RET: variants seen among roughly 807,000 people sequenced by gnomAD.
RET encodes the protein ret proto-oncogene.
RET carries 19 observed loss-of-function variants against 118.3 expected under a neutral mutation model. The observed-to-expected ratio is 0.16, with a 90% CI of 0.11 to 0.24. The LOEUF is 0.24. Among genes scored for constraint, RET ranks in the 10% least tolerant of loss-of-function variants. The probability of loss-of-function intolerance (pLI) is 1.00; values close to 1 mark genes in which losing one functional copy is unlikely to be tolerated. For synonymous variants in RET, 597 were observed against 644.1 expected (o/e 0.93, Z 1.11); for missense variants, 1,219 against 1,502.1 (o/e 0.81, Z 3.12).
At chr10:43,109,254 C>T in intron 6 of RET, 24 bp downstream of exon 6, 3 of 1,608,268 alleles carry the variant, frequency 1.9e-6, no homozygotes, top group Non-Finnish European at 2.5e-6. Context: ...TATTGCCTGT[C>T]TGGGGAAGAT....
chr10:43,095,191 AG>A (rs1242454705), intron 1 of RET, among the ~76,000 whole-genome samples: 1 of 152,052 alleles, frequency 6.6e-6, no homozygotes, highest in Non-Finnish European at 1.5e-5. Flanking sequence ...ACGGGAGCTG[AG>A]GCTGGGGGCT....
In RET at chr10:43,106,558, C is replaced by T. The variant is rs142188675; in HGVS notation, c.1050C>T (p.Thr350=). ...VQANGSFVRA[T]VHDYRLVLNR... is the part of the protein sequence containing the mutation. ...CCAACGGCAGCTTCGTGCGGGCGACCGTACATGACTATAGTAAGAGGGGCT... is the reference window on the plus strand; with the variant it reads ...CCAACGGCAGCTTCGTGCGGGCGACTGTACATGACTATAGTAAGAGGGGCT... Residue 350 remains threonine, a synonymous_variant, in exon 5 of 20, where the codon ACC becomes ACT. Transcript: ENST00000355710. The surrounding 1 kb of genome is among the most constrained non-coding windows in gnomAD (Gnocchi z 5.1). The T allele has an allele frequency of 6.4e-5, 104 of 1,613,446 alleles. 1 individual carries two copies. The African/African-American group carries it at 8.9e-4, about 14-fold the overall frequency.
chr10:43,113,031 C>T (rs1322774914), intron 9 of RET, 68 bp downstream of exon 9: 1 of 1,322,656 alleles, frequency 7.6e-7, no homozygotes, highest in African/African-American at 1.4e-5. Flanking sequence ...ATCCCACAGG[C>T]ACTTCAGCCA....
intron 18 of RET, among the ~76,000 whole-genome samples, chr10:43,126,018 G>T (rs2133026793): frequency 6.6e-6 from 1 of 152,320 alleles, no homozygotes; most frequent in South Asian, 2.1e-4. Flanking sequence ...GTGCTGGGGA[G>T]CCCGTGCCTG....
chr10:43,116,403 T>C (rs917905422), intron 11 of RET, among the ~76,000 whole-genome samples, 181 bp from the exon 12 acceptor site: 1 of 152,304 alleles, frequency 6.6e-6, no homozygotes. Flanking sequence ...TTCAGGGGCC[T>C]GGCTGTGGGG....
rs2132707488 is a variant in RET, at chr10:43,105,119, G to A, written c.793G>A (p.Glu265Lys). 6.2e-7 allele frequency: 1 copy of A among 1,612,486 alleles called. No homozygotes were observed. The highest frequency in any genetic ancestry group is 8.5e-7 in the Non-Finnish European group (1 of 1,179,836). ...MVPFPVTVYD[E>K]DDSAPTFPAG... Reference sequence around the variant, plus strand: ...GCCCTTCCCGGTGACCGTGTACGACGAGGACGACTCGGCGCCCACCTTCCC... The same window carrying A: ...GCCCTTCCCGGTGACCGTGTACGACAAGGACGACTCGGCGCCCACCTTCCC... The change falls in exon 4 of 20, where the codon GAG becomes AAG. Residue 265 changes from glutamate (E) to lysine (K), a missense_variant. This residue lies in a region of RET where 850 missense variants were observed against 969.6 expected (regional missense o/e 0.88). Coordinates refer to ENST00000355710, the MANE Select transcript of RET (RefSeq NM_020975.6).
chr10:43,129,008 ATTTGTCCC>A lies in RET; in HGVS notation c.*740_*747del. 4.2e-6 allele frequency: 1 copy of A among 236,100 alleles called. No individual in the cohort carries two copies. 14.6% of individuals were successfully genotyped at this position (236,100 alleles called of 1,614,324 possible). A position where few individuals can be genotyped will look rare whatever the true frequency, so the allele number is the denominator to read the frequency against. On this transcript the variant is annotated 3_prime_UTR_variant, in exon 20 of 20. Transcript: ENST00000355710. The stretch of plus-strand genomic sequence containing the variant: ...TCAGGGAAGAGGGCTCACAAGACAC[ATTTGTCCC>A]CCGGGCCCACCACATCATCCTCACG...
chr10:43,087,196 G>T (rs543445834), intron 1 of RET, among the ~76,000 whole-genome samples: 8 of 152,302 alleles, frequency 5.3e-5, no homozygotes, highest in East Asian at 1.9e-4. Flanking sequence ...AGGGATCGTG[G>T]TGCCTCCCAG....
intron 1 of RET, among the ~76,000 whole-genome samples, chr10:43,093,034 T>C (rs889236538): frequency 2.1e-4 from 32 of 152,236 alleles, no homozygotes; most frequent in Non-Finnish European, 3.5e-4. Flanking sequence ...GTTGATTCAT[T>C]GATTCATTCA....
At chr10:43,083,722 GC>G (rs1837235358) in intron 1 of RET, among the ~76,000 whole-genome samples, 1 of 152,230 alleles carries the variant, frequency 6.6e-6, no homozygotes, top group African/African-American at 2.4e-5. Flanking sequence ...CTCCTGGCGG[GC>G]CCAGCAGCTG....
Position 43,111,472 on chromosome 10 carries a change from G to T in RET, c.1522+7G>T, listed in dbSNP as rs1257123535. 6.2e-7 allele frequency: 1 copy of T among 1,607,152 alleles called. No homozygotes were observed. Among genetic ancestry groups the T allele is most frequent in the Non-Finnish European group, 8.5e-7 (1 of 1,175,384 alleles). ...GTAACAGTGGAGGGGTCATGTGAGT[G>T]CCTGCTCCAGGGAGGGAGGGTCGGG... On this transcript the variant is annotated splice_region_variant and intron_variant, in intron 7 of 19. Transcript: ENST00000355710.
chr10:43,111,238 C>T lies in RET; in HGVS notation c.1295C>T (p.Ala432Val), dbSNP rs552057730. 13 of 1,614,094 alleles carry T rather than the reference C, an allele frequency of 8.1e-6. No homozygotes were observed. The highest frequency in any genetic ancestry group is 6.7e-5 in the African/African-American group (5 of 75,040). ...AAAGTCTGTGTGGAAAACTGCCAGG[C>T]ATTCAGTGGCATCAACGTCCAGTAC... ...IGKVCVENCQ[A>V]FSGINVQYKL... The change falls in exon 7 of 20, where the codon GCA becomes GTA. Residue 432 changes from alanine to valine, a missense_variant. This residue lies in a region of RET where 850 missense variants were observed against 969.6 expected (regional missense o/e 0.88). Coordinates refer to ENST00000355710, the MANE Select transcript of RET (RefSeq NM_020975.6).
At chr10:43,127,069 C>G in intron 19 of RET, 1 of 1,217,592 alleles carries the variant, frequency 8.2e-7, no homozygotes, top group Non-Finnish European at 1.0e-6. Context: ...TCTACTTTAA[C>G]TAAGTGGATA....
At chr10:43,124,051 C>T (rs946363085) in intron 17 of RET, among the ~76,000 whole-genome samples, 1 of 152,132 alleles carries the variant, frequency 6.6e-6, no homozygotes, top group Admixed American at 6.5e-5. Flanking sequence ...GAGACTGGTG[C>T]AATGCAAGCT....
At chr10:43,115,103 C>T (rs1838041327) in intron 11 of RET, among the ~76,000 whole-genome samples, 1 of 152,168 alleles carries the variant, frequency 6.6e-6, no homozygotes, top group African/African-American at 2.4e-5. Flanking sequence ...CTGGAGCCTC[C>T]TTGTCCCGGC....
chr10:43,084,855 G>A (rs1837256970), intron 1 of RET, among the ~76,000 whole-genome samples: 1 of 152,162 alleles, frequency 6.6e-6, no homozygotes. Flanking sequence ...GATGGAGGAA[G>A]GGGAAGGTGC....
At position 43,105,205 on chromosome 10, in the gene RET, C is replaced by G; in HGVS notation, c.867+12C>G. On this transcript the variant is annotated intron_variant, in intron 4 of 19. Transcript: ENST00000355710. ...TCAAGCGGAAGGAGGTGCTTGTCCG[C>G]GCGTGCTGTGGTCTACCCAGTGTCT... 6.2e-7 allele frequency: 1 copy of G among 1,612,572 alleles called. No homozygotes were observed. Among genetic ancestry groups the G allele is most frequent in the Non-Finnish European group, 8.5e-7 (1 of 1,179,890 alleles).
At chr10:43,122,073 T>G (rs1838230855) in intron 16 of RET, 57 bp downstream of exon 16, 1 of 1,373,590 alleles carries the variant, frequency 7.3e-7, no homozygotes, top group South Asian at 1.2e-5. Flanking sequence ...CTTATACATG[T>G]AGTGGGGCCA....
intron 16 of RET, 58 bp from the exon 17 acceptor site, chr10:43,123,613 C>T (rs1838265447): frequency 6.2e-7 from 1 of 1,612,486 alleles, no homozygotes; most frequent in African/African-American, 1.3e-5. Flanking sequence ...TCTGGGCCCC[C>T]CGGAGGGCTC....
Sources: gnomAD v4.1 joint callset for allele counts (sites outside exome capture counted in the v4.1 genomes callset) on GRCh38, gnomAD v4.1.1 for gene constraint, gnomAD v4.1.1 regional missense constraint, Gnocchi (gnomAD v3.1) non-coding constraint, MANE v1.5 for transcripts, NCBI Gene and HGNC (gene_info 2026-07-23, HGNC 2026-07-21) for gene names.